The following SLC27A4 variants were observed in gnomAD, a reference collection of about 807,000 sequenced individuals.
SLC27A4 encodes the protein long-chain fatty acid transport protein 4.
A neutral mutation model predicts 64.4 loss-of-function variants in SLC27A4; 33 were observed. The observed-to-expected ratio is 0.51, with a 90% CI of 0.39 to 0.68. The LOEUF (loss-of-function observed/expected upper bound fraction) is 0.68, where lower values mean the gene tolerates loss of function less well. SLC27A4 is among the 30% of genes least tolerant of loss of function. The pLI is 0.00. For synonymous variants in SLC27A4, 377 were observed against 370.0 expected, an observed-to-expected ratio of 1.02 and a Z score of -0.22; for missense variants, 824 against 883.5, an observed-to-expected ratio of 0.93 and a Z score of 0.85.
In SLC27A4 at chr9:128,348,805, C is replaced by T; in HGVS notation, c.715+102C>T. The T allele has an allele frequency of 3.3e-6, 4 of 1,224,252 alleles. No homozygotes were observed. The Admixed American group carries it at 5.6e-5, about 17-fold the overall frequency. 75.8% of individuals were successfully genotyped at this position (1,224,252 alleles called of 1,614,324 possible). On this transcript the variant is annotated intron_variant, in intron 4 of 12. Coordinates refer to ENST00000300456, the MANE Select transcript of SLC27A4 (RefSeq NM_005094.4). ...GGCTTTTCTGGAAACTTGCCATGTG[C>T]CTGGAACATGTCACGTCACCTCCCT...
In SLC27A4 at chr9:128,358,616, G is replaced by A. The variant is rs778033226; in HGVS notation, c.1775-1718G>A. ...GTGCCACCACACCTGGCTAATTTTT[G>A]TATTTTTTTTATTAGACATGGGGTT... is the stretch of plus-strand genomic sequence containing the variant. On this transcript the variant is annotated intron_variant, in intron 12 of 12. Transcript: ENST00000300456. Among the ~76,000 whole-genome samples the A allele has an allele frequency of 2.6e-5, 4 of 152,018 alleles. No individual in the cohort carries two copies. The South Asian group carries it at 6.2e-4, about 24-fold the overall frequency.
At position 128,352,730 on chromosome 9, in the gene SLC27A4, A is replaced by G. The variant is rs1832755733; in HGVS notation, c.970A>G (p.Ile324Val). ...AGCCTCCCGGTTCTGGGACGATTGT[A>G]TCAAGTACAACTGCACGGTGAGCGA... is the stretch of plus-strand genomic sequence containing the variant. Reference protein sequence around the residue: ...FSASRFWDDCIKYNCTIVQYI... With the variant: ...FSASRFWDDCVKYNCTIVQYI... Residue 324 changes from isoleucine to valine, a missense_variant, in exon 7 of 13, where the codon ATC (isoleucine) becomes GTC (valine). Transcript: ENST00000300456. The G allele has an allele frequency of 6.2e-7, 1 of 1,613,544 alleles. No individual in the cohort carries two copies. The highest frequency in any genetic ancestry group is 2.2e-5 in the East Asian group (1 of 44,878).
rs1175670323 is a variant in SLC27A4 at position 128,355,386 on chromosome 9, G to C, written c.1463-12G>C. 1 of 1,613,368 alleles carries C rather than the reference G, an allele frequency of 6.2e-7. No homozygotes were observed. Among genetic ancestry groups the C allele is most frequent in the Non-Finnish European group, 8.5e-7 (1 of 1,179,920 alleles). On this transcript the variant is annotated splice_polypyrimidine_tract_variant and intron_variant, in intron 10 of 12. Transcript: ENST00000300456. ...GCCAGGCCCAGCCCTGCCTCATCCG[G>C]CCCCTCCCTAGGTGATGTGCTGGTG...
rs745788255 is a variant in SLC27A4 at position 128,353,560 on chromosome 9, A to G, written c.1324+19A>G. 3.1e-6 allele frequency: 5 copies of G among 1,612,788 alleles called. No individual in the cohort carries two copies. Among genetic ancestry groups the G allele is most frequent in the Non-Finnish European group, 3.4e-6 (4 of 1,179,218 alleles). ...CAGCCAGGTCTGCCACTTCGGGGTC[A>G]GAGAGGGAGGGGTTGGCCTGGGAAG... is the stretch of plus-strand genomic sequence containing the variant. On this transcript the variant is annotated intron_variant, in intron 9 of 12. Coordinates refer to ENST00000300456, the MANE Select transcript of SLC27A4 (RefSeq NM_005094.4). The surrounding 1 kb of genome is among the most constrained non-coding windows in gnomAD (Gnocchi z 4.9).
intron 12 of SLC27A4, among the ~76,000 whole-genome samples, chr9:128,356,525 C>T (rs189582083): frequency 2.7e-4 from 41 of 152,328 alleles, no homozygotes; most frequent in Non-Finnish European, 1.5e-5. Flanking sequence ...CAAGGCCGGG[C>T]GCAGTGGCTC....
rs775832946 is a variant in SLC27A4, at chr9:128,360,314, C to T, written c.1775-20C>T. On this transcript the variant is annotated intron_variant, in intron 12 of 12. Coordinates refer to ENST00000300456, the MANE Select transcript of SLC27A4 (RefSeq NM_005094.4). ...CTCGGGCCCCTGCCCTGCACTGAGT[C>T]TTCTTCCCTGCTCTCCCAGGAACCT... The T allele has an allele frequency of 6.2e-7, 1 of 1,613,928 alleles. No individual in the cohort carries two copies. The highest frequency in any genetic ancestry group is 8.5e-7 in the Non-Finnish European group (1 of 1,179,998).
At chr9:128,359,443 G>C (rs949897513) in intron 12 of SLC27A4, among the ~76,000 whole-genome samples, 1 of 152,120 alleles carries the variant, frequency 6.6e-6, no homozygotes, top group African/African-American at 2.4e-5. Context: ...GACCAACATG[G>C]TGAAACCCCG....
In SLC27A4 at chr9:128,353,551, T is replaced by C. The variant is rs758046190; in HGVS notation, c.1324+10T>C. The C allele has an allele frequency of 1.2e-6, 2 of 1,613,522 alleles. No homozygotes were observed. Among genetic ancestry groups the C allele is most frequent in the Non-Finnish European group, 8.5e-7 (1 of 1,179,672 alleles). On this transcript the variant is annotated intron_variant, in intron 9 of 12. Coordinates refer to ENST00000300456, the MANE Select transcript of SLC27A4 (RefSeq NM_005094.4). The surrounding 1 kb of genome is among the most constrained non-coding windows in gnomAD (Gnocchi z 4.9). ...ATTCCCTGCCAGCCAGGTCTGCCAC[T>C]TCGGGGTCAGAGAGGGAGGGGTTGG...
At chr9:128,340,959 C>T (rs564106196) in intron 1 of SLC27A4, 121 bp downstream of exon 1, 6 of 481,028 alleles carry the variant, frequency 1.2e-5, no homozygotes, top group South Asian at 2.8e-5. Flanking sequence ...CCCCGACAGA[C>T]GCACTGTTAC....
intron 9 of SLC27A4, 149 bp from the exon 10 acceptor site, chr9:128,354,904 G>T: frequency 1.2e-6 from 1 of 824,008 alleles, no homozygotes; most frequent in East Asian, 2.8e-5. Context: ...AGTAAGCCAA[G>T]ATTGCACTGC....
intron 1 of SLC27A4, chr9:128,342,498 A>T (rs1832590449): frequency 8.5e-7 from 1 of 1,172,912 alleles, no homozygotes; most frequent in East Asian, 2.7e-5. Flanking sequence ...TGCCCCTTTC[A>T]CATCAAAGAA....
rs907435861 is a variant in SLC27A4, at chr9:128,348,707, G to A, written c.715+4G>A. The A allele has an allele frequency of 1.2e-5, 19 of 1,613,778 alleles. No homozygotes were observed. The highest frequency in any genetic ancestry group is 1.6e-5 in the Non-Finnish European group (19 of 1,180,018). On this transcript the variant is annotated splice_donor_region_variant and intron_variant, in intron 4 of 12. Coordinates refer to ENST00000300456, the MANE Select transcript of SLC27A4 (RefSeq NM_005094.4). Reference sequence around the variant, plus strand: ...TGCCCTGACAAGGGCTTCACAGGTGGGCTCCATCCCCTCCCCATAGAGGGG... The same window carrying A: ...TGCCCTGACAAGGGCTTCACAGGTGAGCTCCATCCCCTCCCCATAGAGGGG...
chr9:128,342,169 G>T (rs1832583022), intron 1 of SLC27A4: 26 of 1,246,696 alleles, frequency 2.1e-5, no homozygotes, highest in Non-Finnish European at 2.9e-5. Context: ...CTCGGTGGTG[G>T]CCACTGCGCA....
At position 128,348,560 on chromosome 9, in the gene SLC27A4, A is replaced by C; in HGVS notation, c.572A>C (p.His191Pro). 2.5e-6 allele frequency: 4 copies of C among 1,613,242 alleles called. No individual in the cohort carries two copies. Among genetic ancestry groups the C allele is most frequent in the African/African-American group, 1.3e-5 (1 of 75,058 alleles). Residue 191 changes from histidine (H) to proline (P), a missense_variant, in exon 4 of 13, where the codon CAT becomes CCT. Coordinates refer to ENST00000300456, the MANE Select transcript of SLC27A4 (RefSeq NM_005094.4). ...SEMASAICEV[H>P]ASLDPSLSLF... Reference sequence around the variant, plus strand: ...CTCCCCACAGCCATCTGTGAGGTCCATGCCAGCCTGGACCCCTCGCTCAGC... The same window carrying C: ...CTCCCCACAGCCATCTGTGAGGTCCCTGCCAGCCTGGACCCCTCGCTCAGC...
Position 128,353,546 on chromosome 9 carries a change from G to T in SLC27A4, c.1324+5G>T. ...TCTGCATTCCCTGCCAGCCAGGTCT[G>T]CCACTTCGGGGTCAGAGAGGGAGGG... is the stretch of plus-strand genomic sequence containing the variant. On this transcript the variant is annotated splice_donor_5th_base_variant and intron_variant, in intron 9 of 12. Coordinates refer to ENST00000300456, the MANE Select transcript of SLC27A4 (RefSeq NM_005094.4). This position sits in a 1 kb window ranked among gnomAD's most constrained non-coding sequence, Gnocchi z 4.9. 1 of 1,613,796 alleles carries T rather than the reference G, an allele frequency of 6.2e-7. No homozygotes were observed. Among genetic ancestry groups the T allele is most frequent in the Non-Finnish European group, 8.5e-7 (1 of 1,179,830 alleles).
chr9:128,348,039 T>G (rs1246799290), intron 3 of SLC27A4, among the ~76,000 whole-genome samples: 2 of 152,048 alleles, frequency 1.3e-5, no homozygotes, highest in Non-Finnish European at 2.9e-5. Flanking sequence ...GGGGGTTATG[T>G]GATGTCCGTG....
intron 12 of SLC27A4, among the ~76,000 whole-genome samples, chr9:128,356,756 A>T (rs754283199): frequency 6.8e-6 from 1 of 147,332 alleles, no homozygotes; most frequent in Non-Finnish European, 1.5e-5. Context: ...AGCCTGGCCA[A>T]CATGGTGAAA....
chr9:128,353,321 G>T lies in SLC27A4; in HGVS notation c.1197+87G>T. 6.2e-7 allele frequency: 1 copy of T among 1,610,398 alleles called. No homozygotes were observed. The highest frequency in any genetic ancestry group is 1.1e-5 in the South Asian group (1 of 90,964). On this transcript the variant is annotated intron_variant, in intron 8 of 12. Coordinates refer to ENST00000300456, the MANE Select transcript of SLC27A4 (RefSeq NM_005094.4). This position sits in a 1 kb window ranked among gnomAD's most constrained non-coding sequence, Gnocchi z 4.9. ...GCAGAGGGGAGGGCAGAGTTCGAGC[G>T]TGAGAGTGTGGGTGCTGGAGTCCCA...
At chr9:128,352,587 G>A (rs1266840350) in intron 6 of SLC27A4, 51 bp from the exon 7 acceptor site, 18 of 1,406,408 alleles carry the variant, frequency 1.3e-5, no homozygotes, top group South Asian at 8.2e-5. Flanking sequence ...ATTTGGGGCC[G>A]GGGAGGGTCT....
Sources: allele counts gnomAD v4.1 joint callset (sites outside exome capture counted in the v4.1 genomes callset), GRCh38; gene constraint gnomAD v4.1.1; non-coding constraint Gnocchi (gnomAD v3.1); transcripts MANE v1.5; gene names NCBI Gene and HGNC (gene_info 2026-07-23, HGNC 2026-07-21).